ADAMTSL1: variants seen among roughly 807,000 people sequenced by gnomAD.
ADAMTSL1 encodes the protein ADAMTS like 1, also known as ADAMTS-like protein 1.
In ADAMTSL1, 126 loss-of-function variants were observed where a neutral mutation model predicts 201.8. That is an observed-to-expected ratio of 0.62 (90% confidence interval 0.54 to 0.72). ADAMTSL1 has a LOEUF of 0.72. Ranked by LOEUF, ADAMTSL1 falls within the 30% of genes least tolerant of loss-of-function variation. The probability of loss-of-function intolerance (pLI) is 0.00; values close to 1 mark genes in which losing one functional copy is unlikely to be tolerated. For synonymous variants in ADAMTSL1, 1,121 were observed against 903.4 expected, an observed-to-expected ratio of 1.24 and a Z score of -4.32; for missense variants, 2,679 against 2,277.8, an observed-to-expected ratio of 1.18 and a Z score of -3.59.
chr9:18,065,424 T>A (rs1822651783), intron 1 of ADAMTSL1, among the ~76,000 whole-genome samples: 1 of 152,240 alleles, frequency 6.6e-6, no homozygotes, highest in African/African-American at 2.4e-5. Flanking sequence ...GCCCTCTTTA[T>A]AATTGTTTCC....
intron 1 of ADAMTSL1, among the ~76,000 whole-genome samples, chr9:17,946,058 ATGTGTGTGTGTGTGTGTGTGTG>A (rs769591352): frequency 0.16 from 24,164 of 148,006 alleles, 2,456 homozygotes; most frequent in Middle Eastern, 0.23. Flanking sequence ...CATGATGTGT[ATGTGTGTGTGTGTGTGTGTGTG>A]TGTGTGTGTG....
intron 2 of ADAMTSL1, among the ~76,000 whole-genome samples, chr9:18,445,504 A>G (rs909635226): frequency 6.6e-6 from 1 of 152,166 alleles, no homozygotes. Flanking sequence ...GGTAGTTAAT[A>G]GTAATATTTG....
chr9:18,750,357 C>T (rs1819400424), intron 15 of ADAMTSL1, among the ~76,000 whole-genome samples: 1 of 152,156 alleles, frequency 6.6e-6, no homozygotes. Context: ...GGCTTTTGAG[C>T]TTATGATATA....
intron 13 of ADAMTSL1, among the ~76,000 whole-genome samples, chr9:18,688,118 G>GTA (rs71333061): frequency 0.51 from 72,777 of 142,352 alleles, 18,340 homozygotes; most frequent in Middle Eastern, 0.57. Context: ...ATGTATGTAT[G>GTA]TATATATATA....
chr9:18,458,571 A>C (rs7046502), intron 2 of ADAMTSL1, among the ~76,000 whole-genome samples: 55,804 of 151,850 alleles, frequency 0.37, 11,507 homozygotes, highest in East Asian at 0.55. Context: ...TCGCAGAGTC[A>C]ATTATGTCCC....
chr9:18,157,979 A>G (rs1185978818), intron 1 of ADAMTSL1, among the ~76,000 whole-genome samples: 1 of 151,992 alleles, frequency 6.6e-6, no homozygotes, highest in Non-Finnish European at 1.5e-5. Flanking sequence ...GTCTGTCTAA[A>G]AACGTTTAGT....
chr9:18,258,010 G>A (rs72684975), intron 2 of ADAMTSL1, among the ~76,000 whole-genome samples: 5,944 of 152,258 alleles, frequency 0.039, 161 homozygotes, highest in Non-Finnish European at 0.063. Flanking sequence ...TTCTGTTTGG[G>A]ATGATGAAAA....
At chr9:18,268,471 T>A in intron 2 of ADAMTSL1, among the ~76,000 whole-genome samples, 1 of 152,172 alleles carries the variant, frequency 6.6e-6, no homozygotes, top group East Asian at 1.9e-4. Context: ...TATCAGTCAT[T>A]TAAAGATATT....
intron 4 of ADAMTSL1, among the ~76,000 whole-genome samples, chr9:18,615,423 G>T (rs7868375): frequency 2.6e-5 from 4 of 152,106 alleles, no homozygotes; most frequent in Non-Finnish European, 5.9e-5. Context: ...TGAAACCATC[G>T]TTCATCCCTG....
intron 2 of ADAMTSL1, among the ~76,000 whole-genome samples, chr9:18,238,341 C>T (rs975634356): frequency 2.0e-5 from 3 of 152,130 alleles, no homozygotes; most frequent in African/African-American, 7.2e-5. Context: ...GTAAGTGACT[C>T]ATCTGTAACT....
At chr9:18,738,575 C>A (rs1818647936) in intron 15 of ADAMTSL1, among the ~76,000 whole-genome samples, 1 of 152,092 alleles carries the variant, frequency 6.6e-6, no homozygotes, top group African/African-American at 2.4e-5. Context: ...TCTGTGTAAT[C>A]CAATGTTCTT....
intron 3 of ADAMTSL1, among the ~76,000 whole-genome samples, chr9:18,549,197 T>C (rs1257699873): frequency 2.0e-5 from 3 of 151,962 alleles, no homozygotes; most frequent in Non-Finnish European, 4.4e-5. Flanking sequence ...ATTCCAACTT[T>C]AGGATAAGGG....
chr9:17,943,543 T>C (rs1827329781), intron 1 of ADAMTSL1, among the ~76,000 whole-genome samples: 1 of 152,138 alleles, frequency 6.6e-6, no homozygotes, highest in Non-Finnish European at 1.5e-5. Context: ...GATCTGGGCA[T>C]AGACACACTT....
chr9:18,631,060 G>A (rs1826735642), intron 5 of ADAMTSL1, among the ~76,000 whole-genome samples: 1 of 152,228 alleles, frequency 6.6e-6, no homozygotes, highest in South Asian at 2.1e-4. Flanking sequence ...TGAGTGAGAG[G>A]GAATATAAGA....
chr9:17,973,255 A>G (rs1228340226), intron 1 of ADAMTSL1, among the ~76,000 whole-genome samples: 2 of 148,914 alleles, frequency 1.3e-5, no homozygotes, highest in African/African-American at 2.5e-5. Flanking sequence ...TATGTCCTGA[A>G]TGGTATTGCC....
At chr9:18,385,215 T>G (rs1201127539) in intron 2 of ADAMTSL1, among the ~76,000 whole-genome samples, 2 of 152,172 alleles carry the variant, frequency 1.3e-5, no homozygotes, top group Non-Finnish European at 2.9e-5. Flanking sequence ...CTTTCCCACC[T>G]AAATCTTTCC....
At chr9:17,924,849 C>A (rs1345601509) in intron 1 of ADAMTSL1, among the ~76,000 whole-genome samples, 1 of 62,774 alleles carries the variant, frequency 1.6e-5, no homozygotes, top group African/African-American at 5.1e-5. Context: ...ACAAAATTGA[C>A]AAATGGGATC....
chr9:18,835,527 G>C (rs1048008293), intron 23 of ADAMTSL1, among the ~76,000 whole-genome samples: 2 of 152,010 alleles, frequency 1.3e-5, no homozygotes, highest in African/African-American at 4.8e-5. Context: ...TTTTATTTTA[G>C]ATTCAGGAGG....
chr9:18,824,162 G>A (rs762337901), intron 21 of ADAMTSL1, among the ~76,000 whole-genome samples: 1 of 148,628 alleles, frequency 6.7e-6, no homozygotes, highest in African/African-American at 2.5e-5. Flanking sequence ...TTCTGAGGCT[G>A]TCTCCTAAAT....
Sources: allele counts gnomAD v4.1 joint callset (sites outside exome capture counted in the v4.1 genomes callset), GRCh38; gene constraint gnomAD v4.1.1; transcripts MANE v1.5; gene names NCBI Gene and HGNC (gene_info 2026-07-23, HGNC 2026-07-21).